The following RAPGEF5 variants were observed in gnomAD, a reference collection of about 807,000 sequenced individuals.
RAPGEF5 encodes the protein Rap guanine nucleotide exchange factor 5.
Under a neutral mutation model 125.2 loss-of-function variants are expected in RAPGEF5, and 65 were observed. The observed-to-expected ratio is 0.52, with a 90% CI of 0.43 to 0.64. RAPGEF5 has a LOEUF of 0.64. RAPGEF5 is among the 30% of genes least tolerant of loss of function. RAPGEF5 has a pLI of 0.00. For missense variants in RAPGEF5, 958 were observed against 1,048.1 expected (o/e 0.91, Z 1.19); for synonymous variants, 391 against 385.9 (o/e 1.01, Z -0.16).
At chr7:22,122,887 C>A (rs1294957619) in intron 25 of RAPGEF5, among the ~76,000 whole-genome samples, 8 of 152,174 alleles carry the variant, frequency 5.3e-5, no homozygotes, top group Non-Finnish European at 8.8e-5. Context: ...TTTTAGGTAG[C>A]CTTTCACAGC....
chr7:22,296,644 G>T (rs1398592583), intron 5 of RAPGEF5, among the ~76,000 whole-genome samples: 1 of 152,156 alleles, frequency 6.6e-6, no homozygotes, highest in Non-Finnish European at 1.5e-5. Flanking sequence ...CCTATGAAAG[G>T]TATGCTCCCA....
intron 24 of RAPGEF5, among the ~76,000 whole-genome samples, chr7:22,130,731 A>T (rs1782889041): frequency 6.6e-6 from 1 of 152,202 alleles, no homozygotes; most frequent in Non-Finnish European, 1.5e-5. Flanking sequence ...TTACAGTTTT[A>T]GCTCTGGTTC....
intron 18 of RAPGEF5, among the ~76,000 whole-genome samples, chr7:22,149,328 T>C (rs956318748): frequency 1.3e-5 from 2 of 152,232 alleles, no homozygotes; most frequent in African/African-American, 4.8e-5. Flanking sequence ...ACCTACGTGG[T>C]ATGCAGGTTT....
intron 1 of RAPGEF5, 100 bp from the exon 2 acceptor site, chr7:22,318,137 TGA>T: frequency 1.9e-6 from 2 of 1,068,764 alleles, no homozygotes; most frequent in South Asian, 2.3e-5. Context: ...GCCTCTGCTA[TGA>T]AAAAAAAAAA....
chr7:22,187,505 T>C (rs954711768), intron 11 of RAPGEF5, among the ~76,000 whole-genome samples: 7 of 152,254 alleles, frequency 4.6e-5, no homozygotes, highest in Admixed American at 6.5e-5. Flanking sequence ...CAGGAATTTG[T>C]GTCATGTGAC....
At chr7:22,146,351 T>C (rs534452203) in intron 19 of RAPGEF5, among the ~76,000 whole-genome samples, 30 of 152,348 alleles carry the variant, frequency 2.0e-4, no homozygotes, top group African/African-American at 5.8e-4. Context: ...CATTTTGCTA[T>C]TTCCCAATCT....
At chr7:22,283,629 C>T (rs1193193391) in intron 6 of RAPGEF5, among the ~76,000 whole-genome samples, 1 of 152,184 alleles carries the variant, frequency 6.6e-6, no homozygotes, top group African/African-American at 2.4e-5. Flanking sequence ...TTCACATTAA[C>T]ACTTCACAAA....
chr7:22,245,887 G>C (rs143657833), intron 7 of RAPGEF5, among the ~76,000 whole-genome samples: 1 of 152,216 alleles, frequency 6.6e-6, no homozygotes, highest in East Asian at 1.9e-4. Flanking sequence ...GGAGTTTCAG[G>C]CTACAAAATT....
At chr7:22,221,142 G>A (rs1040439059) in intron 8 of RAPGEF5, among the ~76,000 whole-genome samples, 6 of 152,128 alleles carry the variant, frequency 3.9e-5, no homozygotes, top group African/African-American at 1.4e-4. Flanking sequence ...GACTCCTAGA[G>A]GACAGCAAGT....
At chr7:22,263,820 A>C (rs1445564518) in intron 7 of RAPGEF5, among the ~76,000 whole-genome samples, 1 of 152,144 alleles carries the variant, frequency 6.6e-6, no homozygotes, top group Non-Finnish European at 1.5e-5. Flanking sequence ...TAAAATTAAA[A>C]ATTAAAAAAT....
intron 24 of RAPGEF5, among the ~76,000 whole-genome samples, chr7:22,130,693 T>C (rs1270580792): frequency 6.6e-6 from 1 of 152,180 alleles, no homozygotes; most frequent in African/African-American, 2.4e-5. Context: ...CATAATCTCC[T>C]GAGTGTGGAT....
chr7:22,283,030 AT>A (rs947555532), intron 6 of RAPGEF5, among the ~76,000 whole-genome samples: 20 of 143,488 alleles, frequency 1.4e-4, no homozygotes, highest in African/African-American at 2.7e-4. Context: ...CAAAAAAAAA[AT>A]ATTCTGTAAA....
At chr7:22,315,790 C>A (rs1783576552) in intron 2 of RAPGEF5, among the ~76,000 whole-genome samples, 1 of 151,708 alleles carries the variant, frequency 6.6e-6, no homozygotes, top group African/African-American at 2.4e-5. Context: ...TGTAAAACAT[C>A]CACTATTTTT....
chr7:22,189,052 T>TAAA (rs11434267), intron 11 of RAPGEF5, among the ~76,000 whole-genome samples: 3 of 126,160 alleles, frequency 2.4e-5, no homozygotes, highest in Non-Finnish European at 3.3e-5. Flanking sequence ...CTCATGAAAT[T>TAAA]AAAAAAAAAA....
intron 4 of RAPGEF5, 84 bp from the exon 5 acceptor site, chr7:22,308,591 C>A (rs890661518): frequency 4.5e-5 from 52 of 1,146,190 alleles, no homozygotes; most frequent in Non-Finnish European, 6.1e-5. Context: ...ATTGAAAGCC[C>A]TAATAATTGG....
chr7:22,303,499 G>A (rs1783259546), intron 5 of RAPGEF5, among the ~76,000 whole-genome samples: 1 of 152,124 alleles, frequency 6.6e-6, no homozygotes, highest in South Asian at 2.1e-4. Context: ...GCATTTGTAT[G>A]GAACAAAATT....
chr7:22,149,576 C>G (rs1783553712), intron 18 of RAPGEF5, among the ~76,000 whole-genome samples: 1 of 152,200 alleles, frequency 6.6e-6, no homozygotes, highest in African/African-American at 2.4e-5. Flanking sequence ...AAATTTTGGA[C>G]TGAAAGTAAC....
chr7:22,246,334 A>C (rs1031828095), intron 7 of RAPGEF5, among the ~76,000 whole-genome samples: 1 of 152,344 alleles, frequency 6.6e-6, no homozygotes, highest in Non-Finnish European at 1.5e-5. Context: ...ACTATATTAT[A>C]AGGCTACAGT....
intron 7 of RAPGEF5, among the ~76,000 whole-genome samples, chr7:22,243,674 T>C (rs1786399071): frequency 6.6e-6 from 1 of 152,236 alleles, no homozygotes. Context: ...CTTTGATGTA[T>C]GCATACATTG....
Sources: allele counts gnomAD v4.1 joint callset (sites outside exome capture counted in the v4.1 genomes callset), GRCh38; gene constraint gnomAD v4.1.1; transcripts MANE v1.5; gene names NCBI Gene and HGNC (gene_info 2026-07-23, HGNC 2026-07-21).